The following CLASP2 variants were observed in gnomAD, a reference collection of about 807,000 sequenced individuals.
The protein encoded by CLASP2 is cytoplasmic linker associated protein 2, also known as CLIP-associating protein 2.
CLASP2 carries 47 observed loss-of-function variants against 194.4 expected under a neutral mutation model. The ratio of observed to expected loss-of-function variants is 0.24; its 90% CI spans 0.19 to 0.31. The LOEUF is 0.31. Ranked by LOEUF, CLASP2 falls within the 10% of genes least tolerant of loss-of-function variation. The pLI is 1.00. For missense variants in CLASP2, 1,445 were observed against 1,823.6 expected, an observed-to-expected ratio of 0.79 and a Z score of 3.78; for synonymous variants, 619 against 633.5, an observed-to-expected ratio of 0.98 and a Z score of 0.34.
chr3:33,573,439 TTTTTG>T (rs1403270829), intron 24 of CLASP2, 85 bp from the exon 25 acceptor site: 3 of 1,400,158 alleles, frequency 2.1e-6, no homozygotes, highest in African/African-American at 2.8e-5. Context: ...AAAGGATTGA[TTTTTG>T]TTTTAAAATC....
chr3:33,627,233 A>G (rs1202967739), intron 9 of CLASP2, 153 bp from the exon 10 acceptor site: 14 of 647,176 alleles, frequency 2.2e-5, no homozygotes, highest in Admixed American at 5.1e-5. Context: ...TATAGACAAT[A>G]ATAACACAAA....
At chr3:33,536,908 G>T (rs1576075972) in intron 33 of CLASP2, among the ~76,000 whole-genome samples, 2 of 152,308 alleles carry the variant, frequency 1.3e-5, no homozygotes, top group South Asian at 4.2e-4. Flanking sequence ...CATTAACTAA[G>T]ATAGGAAAGA....
At chr3:33,678,129 T>TAA in intron 6 of CLASP2, among the ~76,000 whole-genome samples, 1 of 151,894 alleles carries the variant, frequency 6.6e-6, no homozygotes, top group East Asian at 1.9e-4. Flanking sequence ...GGGGCATCTA[T>TAA]AAAAGATGGA....
intron 18 of CLASP2, among the ~76,000 whole-genome samples, chr3:33,599,767 G>A (rs2071515351): frequency 6.6e-6 from 1 of 152,126 alleles, no homozygotes; most frequent in Admixed American, 6.5e-5. Context: ...CAGCGGGTAG[G>A]GTGGGGTGAA....
chr3:33,695,280 C>T (rs2091770905), intron 2 of CLASP2, among the ~76,000 whole-genome samples: 3 of 132,952 alleles, frequency 2.3e-5, no homozygotes, highest in African/African-American at 8.4e-5. Flanking sequence ...AGGCTGGTCT[C>T]AAACTCCTGT....
chr3:33,562,047 T>C (rs2061873979), intron 27 of CLASP2, among the ~76,000 whole-genome samples: 1 of 152,238 alleles, frequency 6.6e-6, no homozygotes, highest in South Asian at 2.1e-4. Flanking sequence ...AACTCTTTTT[T>C]TTCTTTAGAA....
intron 1 of CLASP2, among the ~76,000 whole-genome samples, chr3:33,701,822 A>C (rs888850901): frequency 2.8e-4 from 43 of 152,252 alleles, no homozygotes; most frequent in African/African-American, 1.0e-3. Flanking sequence ...CAACTCAAAA[A>C]TGTATGAGAT....
At chr3:33,637,509 T>C (rs895244396) in intron 8 of CLASP2, among the ~76,000 whole-genome samples, 6 of 151,790 alleles carry the variant, frequency 4.0e-5, no homozygotes, top group Non-Finnish European at 8.8e-5. Context: ...ACTCTAGCCT[T>C]AGCAAGAGAG....
chr3:33,628,166 GAGAA>G (rs2078391153), intron 9 of CLASP2, among the ~76,000 whole-genome samples: 1 of 152,158 alleles, frequency 6.6e-6, no homozygotes, highest in Non-Finnish European at 1.5e-5. Context: ...AAGAGCAAGA[GAGAA>G]AGAAAGAATG....
intron 34 of CLASP2, among the ~76,000 whole-genome samples, chr3:33,532,530 G>A (rs1185386993): frequency 1.3e-5 from 2 of 152,130 alleles, no homozygotes; most frequent in Non-Finnish European, 2.9e-5. Flanking sequence ...TAAATGTTAT[G>A]TGTATTTTAA....
At chr3:33,670,837 T>A (rs2087030735) in intron 6 of CLASP2, among the ~76,000 whole-genome samples, 1 of 152,134 alleles carries the variant, frequency 6.6e-6, no homozygotes, top group South Asian at 2.1e-4. Flanking sequence ...CAACTTGGTT[T>A]TCAGAATATC....
intron 18 of CLASP2, chr3:33,602,506 TAG>T (rs1416244287): frequency 7.9e-6 from 6 of 754,962 alleles, no homozygotes; most frequent in Non-Finnish European, 1.5e-5. Flanking sequence ...TCAAACTGAA[TAG>T]AGTTTTGGAA....
At chr3:33,568,633 C>T (rs1326305183) in intron 26 of CLASP2, among the ~76,000 whole-genome samples, 2 of 149,878 alleles carry the variant, frequency 1.3e-5, no homozygotes, top group Non-Finnish European at 2.9e-5. Flanking sequence ...TTTATTGCAA[C>T]CCAACACACA....
chr3:33,715,973 G>A (rs773757084), intron 1 of CLASP2, among the ~76,000 whole-genome samples: 1 of 148,806 alleles, frequency 6.7e-6, no homozygotes, highest in Non-Finnish European at 1.5e-5. Flanking sequence ...CTATGCTATA[G>A]AATTCAACAG....
At chr3:33,544,648 T>C (rs776207254) in intron 31 of CLASP2, 50 bp downstream of exon 31, 1 of 1,519,658 alleles carries the variant, frequency 6.6e-7, no homozygotes, top group Admixed American at 2.1e-5. Context: ...CAATTATTAT[T>C]AAATCAACCA....
chr3:33,557,132 C>T (rs2061090850), intron 29 of CLASP2, among the ~76,000 whole-genome samples: 1 of 151,878 alleles, frequency 6.6e-6, no homozygotes, highest in Non-Finnish European at 1.5e-5. Flanking sequence ...CAACATCACC[C>T]CTGGCTAATT....
rs967738302 is a variant in CLASP2, at chr3:33,498,497, G to A, written c.*134C>T. The A allele has an allele frequency of 4.0e-5, 22 of 549,780 alleles. No individual in the cohort carries two copies. Among genetic ancestry groups the A allele is most frequent in the Non-Finnish European group, 7.1e-5 (22 of 308,256 alleles). The allele number at this position is 549,780 out of a possible 1,614,324, so 34.1% of individuals were successfully genotyped here. On this transcript the variant is annotated 3_prime_UTR_variant, in exon 39 of 39. Transcript: ENST00000682230. ...TCCTCTGTTACAGAAAATACAAAAC[G>A]AAACGAAACAAAAAACTAAAACTGG... is the stretch of plus-strand genomic sequence containing the variant.
chr3:33,703,375 A>G (rs2154353934), intron 1 of CLASP2, among the ~76,000 whole-genome samples: 1 of 152,360 alleles, frequency 6.6e-6, no homozygotes, highest in South Asian at 2.1e-4. Flanking sequence ...ATCGTATGTC[A>G]TTAGGAATTG....
At chr3:33,593,969 G>C (rs1441123015) in intron 20 of CLASP2, among the ~76,000 whole-genome samples, 1 of 152,046 alleles carries the variant, frequency 6.6e-6, no homozygotes, top group South Asian at 2.1e-4. Flanking sequence ...TCAGCCTCCA[G>C]AATAGGTGGG....
Sources: gnomAD v4.1 joint callset for allele counts (sites outside exome capture counted in the v4.1 genomes callset) on GRCh38, gnomAD v4.1.1 for gene constraint, MANE v1.5 for transcripts, NCBI Gene and HGNC (gene_info 2026-07-23, HGNC 2026-07-21) for gene names.